Variants in IFT74 observed in about 807,000 individuals in gnomAD.
The protein encoded by IFT74 is intraflagellar transport 74.
IFT74 carries 92 observed loss-of-function variants against 96.7 expected under a neutral mutation model. The observed-to-expected ratio is 0.95, with a 90% CI of 0.80 to 1.13. IFT74 has a LOEUF of 1.13. IFT74 is among the 50% of genes most tolerant of loss of function. IFT74 has a pLI of 0.00. For synonymous variants in IFT74, 223 were observed against 213.2 expected (o/e 1.05, Z -0.40); for missense variants, 811 against 698.2 (o/e 1.16, Z -1.82).
chr9:27,034,562 C>G (rs1028892520), intron 13 of IFT74, among the ~76,000 whole-genome samples: 94 of 152,180 alleles, frequency 6.2e-4, no homozygotes, highest in Non-Finnish European at 1.1e-3. Flanking sequence ...GAGTTTTTCT[C>G]TTGTGGCCCA....
chr9:26,959,269 C>T (rs551165692), intron 1 of IFT74, among the ~76,000 whole-genome samples: 39 of 152,230 alleles, frequency 2.6e-4, no homozygotes, highest in Middle Eastern at 3.4e-3. Flanking sequence ...CCACCACACC[C>T]GGCTAATTTT....
At chr9:26,999,752 C>A in intron 8 of IFT74, 172 of 825,644 alleles carry the variant, frequency 2.1e-4, no homozygotes, top group Non-Finnish European at 2.8e-4. Context: ...ATTTTTCCCT[C>A]TTTTGAATCT....
chr9:26,973,840 C>A (rs2131513126), intron 2 of IFT74, among the ~76,000 whole-genome samples: 1 of 152,184 alleles, frequency 6.6e-6, no homozygotes, highest in Non-Finnish European at 1.5e-5. Flanking sequence ...CATTTAGGTC[C>A]CACCTCCAAA....
intron 15 of IFT74, 103 bp from the exon 16 acceptor site, chr9:27,048,045 C>G: frequency 2.9e-6 from 2 of 696,920 alleles, no homozygotes; most frequent in East Asian, 3.1e-5. Flanking sequence ...AAAAAAATAC[C>G]TGATCCAAAC....
chr9:26,968,266 T>A (rs200918966), intron 2 of IFT74, among the ~76,000 whole-genome samples: 61 of 78,910 alleles, frequency 7.7e-4, no homozygotes, highest in African/African-American at 3.8e-3. Context: ...TAAAAAAAAA[T>A]TTTTTTTTTT....
intron 11 of IFT74, 55 bp downstream of exon 11, chr9:27,017,105 A>G (rs1829383488): frequency 6.7e-7 from 1 of 1,485,380 alleles, no homozygotes; most frequent in African/African-American, 1.4e-5. Context: ...ACATGTATTG[A>G]TTTGTTTTTT....
At chr9:27,008,818 TA>T (rs200486364) in intron 8 of IFT74, among the ~76,000 whole-genome samples, 2,799 of 152,264 alleles carry the variant, frequency 0.018, 88 homozygotes, top group African/African-American at 0.062. Context: ...GAGAAAGATG[TA>T]AAAATAAGTT....
intron 13 of IFT74, among the ~76,000 whole-genome samples, chr9:27,039,575 T>A (rs932096417): frequency 6.6e-6 from 1 of 152,226 alleles, no homozygotes; most frequent in African/African-American, 2.4e-5. Flanking sequence ...GTTGCTGATG[T>A]ATACTGTGTA....
At chr9:27,021,224 C>G (rs1278461237) in intron 12 of IFT74, among the ~76,000 whole-genome samples, 1 of 151,954 alleles carries the variant, frequency 6.6e-6, no homozygotes, top group African/African-American at 2.4e-5. Context: ...TTTCTTTATT[C>G]ACTTGTTGAT....
intron 12 of IFT74, among the ~76,000 whole-genome samples, chr9:27,019,029 G>A (rs1755078704): frequency 1.3e-5 from 2 of 151,994 alleles, no homozygotes; most frequent in African/African-American, 4.8e-5. Flanking sequence ...TGGAGTGCAA[G>A]TGGCATGATA....
In IFT74 at chr9:27,002,057, G is replaced by A. The variant is rs908714536; in HGVS notation, c.588-6963G>A. The stretch of plus-strand genomic sequence containing the variant: ...TACAATCATGGTGGAAGGTGAAGGG[G>A]AAGCAGGCATGTCTTACATGGCTAG... On this transcript the variant is annotated intron_variant, in intron 8 of 19. Transcript: ENST00000380062. 5.3e-5 allele frequency among the ~76,000 whole-genome samples: 8 copies of A among 152,260 alleles called. No individual in the cohort carries two copies. The East Asian group carries it at 1.5e-3, about 29-fold the overall frequency.
In IFT74 at chr9:27,029,012, A is replaced by T; in HGVS notation, c.975-13A>T. The T allele has an allele frequency of 6.4e-7, 1 of 1,568,662 alleles. No individual in the cohort carries two copies. ...TATTTCCTTCATAAATTCATTAAAAATATTTTCAACAGGTTAACAGATACA... is the reference window on the plus strand; with the variant it reads ...TATTTCCTTCATAAATTCATTAAAATTATTTTCAACAGGTTAACAGATACA... On this transcript the variant is annotated splice_polypyrimidine_tract_variant and intron_variant, in intron 12 of 19. Transcript: ENST00000380062.
intron 10 of IFT74, among the ~76,000 whole-genome samples, chr9:27,015,643 G>GA (rs982744351): frequency 4.0e-5 from 6 of 149,842 alleles, no homozygotes; most frequent in Admixed American, 6.6e-5. Context: ...TCTCAAAAAA[G>GA]AAAAAAAAAT....
intron 8 of IFT74, chr9:26,995,613 T>A: frequency 6.2e-7 from 1 of 1,611,034 alleles, no homozygotes; most frequent in Non-Finnish European, 8.5e-7. Context: ...TGTTCAAATA[T>A]TACTGTAGTT....
intron 10 of IFT74, among the ~76,000 whole-genome samples, chr9:27,013,549 T>A (rs1170522550): frequency 1.3e-5 from 2 of 152,228 alleles, no homozygotes; most frequent in East Asian, 3.8e-4. Flanking sequence ...TTATTTCCCC[T>A]GCATTCACTG....
At chr9:27,022,085 G>A (rs1829631977) in intron 12 of IFT74, among the ~76,000 whole-genome samples, 1 of 152,004 alleles carries the variant, frequency 6.6e-6, no homozygotes, top group Admixed American at 6.6e-5. Context: ...TGTTGAATAG[G>A]GTGTCCTTTC....
At chr9:26,973,136 C>G (rs1281561846) in intron 2 of IFT74, among the ~76,000 whole-genome samples, 1 of 152,198 alleles carries the variant, frequency 6.6e-6, no homozygotes, top group Non-Finnish European at 1.5e-5. Context: ...AAGGGGCATG[C>G]GCAGAAAGCA....
chr9:27,011,959 C>A lies in IFT74; in HGVS notation c.780C>A (p.Ser260Arg). The A allele has an allele frequency of 6.3e-7, 1 of 1,579,942 alleles. No homozygotes were observed. The highest frequency in any genetic ancestry group is 1.2e-5 in the South Asian group (1 of 84,820). ...QLDSQNMKKE[S>R]LEAEIAHSQV... is the part of the protein sequence containing the mutation. The stretch of plus-strand genomic sequence containing the variant: ...ATTCACAGAACATGAAAAAAGAGAG[C>A]CTGGAAGCAGTAAGTATAAAATCAA... Residue 260 changes from serine to arginine, a missense_variant, in exon 10 of 20, where the codon AGC becomes AGA. Transcript: ENST00000380062.
At chr9:27,047,777 T>C (rs1258614333) in intron 15 of IFT74, among the ~76,000 whole-genome samples, 1 of 152,216 alleles carries the variant, frequency 6.6e-6, no homozygotes, top group Non-Finnish European at 1.5e-5. Flanking sequence ...GATTCTTGTA[T>C]GTATATGTAA....
Sources: gnomAD v4.1 joint callset for allele counts (sites outside exome capture counted in the v4.1 genomes callset) on GRCh38, gnomAD v4.1.1 for gene constraint, MANE v1.5 for transcripts, NCBI Gene and HGNC (gene_info 2026-07-23, HGNC 2026-07-21) for gene names.